PKD2L2: variants seen among roughly 807,000 people sequenced by gnomAD.
PKD2L2 encodes the protein polycystin 2 like 2, transient receptor potential cation channel.
PKD2L2 carries 67 observed loss-of-function variants against 83.9 expected under a neutral mutation model. That is an observed-to-expected ratio of 0.80 (90% confidence interval 0.66 to 0.98). The LOEUF is 0.98. PKD2L2 is among the 50% of genes least tolerant of loss of function. The pLI is 0.00. For missense variants in PKD2L2, 632 were observed against 717.2 expected (o/e 0.88, Z 1.36); for synonymous variants, 223 against 237.8 (o/e 0.94, Z 0.57).
intron 5 of PKD2L2, among the ~76,000 whole-genome samples, chr5:137,901,811 C>T (rs1174186920): frequency 6.6e-6 from 1 of 152,140 alleles, no homozygotes; most frequent in Non-Finnish European, 1.5e-5. Flanking sequence ...AGAACCCCAA[C>T]AGAGAGAACA....
chr5:137,890,648 TAAAAC>T (rs944597133), intron 2 of PKD2L2, 66 bp downstream of exon 2: 1 of 696,556 alleles, frequency 1.4e-6, no homozygotes, highest in African/African-American at 1.9e-5. Context: ...AGATGAAAAA[TAAAAC>T]ATACAAACTT....
intron 10 of PKD2L2, among the ~76,000 whole-genome samples, chr5:137,924,489 T>G (rs1018477223): frequency 3.3e-5 from 5 of 152,134 alleles, no homozygotes; most frequent in Admixed American, 6.6e-5. Flanking sequence ...TCTACCTCAG[T>G]TTGAGCTGTA....
chr5:137,932,196 A>C (rs1759931330), intron 12 of PKD2L2, among the ~76,000 whole-genome samples: 1 of 152,074 alleles, frequency 6.6e-6, no homozygotes, highest in Non-Finnish European at 1.5e-5. Context: ...AAAAAATACA[A>C]AATTAGCCAG....
chr5:137,923,297 G>T, intron 9 of PKD2L2, 123 bp from the exon 10 acceptor site: 1 of 562,746 alleles, frequency 1.8e-6, no homozygotes, highest in Non-Finnish European at 3.2e-6. Flanking sequence ...TTACAGGCGT[G>T]AGCCACCGCA....
intron 12 of PKD2L2, among the ~76,000 whole-genome samples, chr5:137,932,961 T>G (rs1275332038): frequency 3.3e-5 from 5 of 149,716 alleles, no homozygotes; most frequent in African/African-American, 1.2e-4. Context: ...CAAAAGCAGC[T>G]AGATGCTACA....
chr5:137,941,244 A>G (rs1761714049), intron 14 of PKD2L2, among the ~76,000 whole-genome samples: 1 of 151,954 alleles, frequency 6.6e-6, no homozygotes, highest in Admixed American at 6.6e-5. Context: ...GTGCCAACCT[A>G]TATAGGAGAC....
intron 8 of PKD2L2, among the ~76,000 whole-genome samples, chr5:137,917,048 T>C (rs1451078711): frequency 6.6e-6 from 1 of 152,200 alleles, no homozygotes. Context: ...CCATCATTTC[T>C]TCAAATAATC....
At chr5:137,906,126 A>T (rs1324509293) in intron 5 of PKD2L2, 80 bp from the exon 6 acceptor site, 2 of 803,170 alleles carry the variant, frequency 2.5e-6, no homozygotes, top group Non-Finnish European at 4.1e-6. Context: ...ATACATAATC[A>T]TTGATTGAAA....
Position 137,892,481 on chromosome 5 carries a change from G to T in PKD2L2, c.135G>T (p.Leu45Phe). The change falls in exon 3 of 15, where the codon TTG becomes TTT. Residue 45 changes from leucine (L) to phenylalanine (F), a missense_variant and splice_region_variant. Coordinates refer to ENST00000508883, the MANE Select transcript of PKD2L2 (RefSeq NM_001300921.2). ...TAAACAAAAAATTATTCTCCTTAGT[G>T]ACTTTTGGGATGGTAAACCCACATA... ...YFIFLINLCI[L>F]TFGMVNPHMY... The T allele has an allele frequency of 6.8e-7, 1 of 1,475,826 alleles. No individual in the cohort carries two copies. Among genetic ancestry groups the T allele is most frequent in the South Asian group, 1.4e-5 (1 of 71,150 alleles). 91.4% of individuals were successfully genotyped at this position (1,475,826 alleles called of 1,614,324 possible).
chr5:137,933,340 A>G (rs562851187), intron 12 of PKD2L2, among the ~76,000 whole-genome samples: 12 of 152,314 alleles, frequency 7.9e-5, no homozygotes, highest in African/African-American at 2.9e-4. Context: ...AAAAAGGGAG[A>G]AGCAAAGTCC....
At chr5:137,920,232 AT>A (rs993441064) in intron 8 of PKD2L2, among the ~76,000 whole-genome samples, 15 of 152,152 alleles carry the variant, frequency 9.9e-5, no homozygotes, top group Non-Finnish European at 2.1e-4. Context: ...AAATTTCCTC[AT>A]AAAGAACACA....
At chr5:137,935,051 G>A (rs1298057990) in intron 12 of PKD2L2, among the ~76,000 whole-genome samples, 2 of 152,202 alleles carry the variant, frequency 1.3e-5, no homozygotes, top group Non-Finnish European at 2.9e-5. Context: ...GATCCACTTT[G>A]CTACCTAGCA....
chr5:137,920,820 C>T (rs912192638), intron 8 of PKD2L2, among the ~76,000 whole-genome samples: 2 of 151,550 alleles, frequency 1.3e-5, no homozygotes, highest in African/African-American at 4.8e-5. Context: ...GTATTATTAT[C>T]AGCACTTGAG....
At chr5:137,919,660 T>C (rs1758712049) in intron 8 of PKD2L2, among the ~76,000 whole-genome samples, 1 of 152,188 alleles carries the variant, frequency 6.6e-6, no homozygotes, top group Admixed American at 6.5e-5. Context: ...CTCTATCTTA[T>C]GTAGGAAAGC....
chr5:137,939,218 T>C (rs1396522793), intron 14 of PKD2L2: 1 of 150,396 alleles, frequency 6.6e-6, no homozygotes, highest in East Asian at 1.9e-4. Flanking sequence ...CTGATTAAAA[T>C]AGGAGGGGAA....
intron 2 of PKD2L2, among the ~76,000 whole-genome samples, chr5:137,891,650 AAT>A (rs1392904370): frequency 6.6e-6 from 1 of 152,130 alleles, no homozygotes; most frequent in African/African-American, 2.4e-5. Context: ...CACTTTTTTT[AAT>A]ATAATACAGC....
At chr5:137,918,560 T>C (rs1221864060) in intron 8 of PKD2L2, among the ~76,000 whole-genome samples, 1 of 152,204 alleles carries the variant, frequency 6.6e-6, no homozygotes, top group Non-Finnish European at 1.5e-5. Flanking sequence ...ATTCCCCACA[T>C]GGCTCCCATA....
At chr5:137,936,457 TTTC>T (rs1272050595) in intron 14 of PKD2L2, 30 bp downstream of exon 14, 13 of 1,519,206 alleles carry the variant, frequency 8.6e-6, no homozygotes, top group South Asian at 3.7e-5. Flanking sequence ...TCATTGAGCA[TTTC>T]TTTTTTTTTT....
At chr5:137,935,277 T>TA (rs1760232086) in intron 12 of PKD2L2, among the ~76,000 whole-genome samples, 1 of 152,146 alleles carries the variant, frequency 6.6e-6, no homozygotes, top group South Asian at 2.1e-4. Flanking sequence ...GCAATACAAA[T>TA]TTTGTGGTAC....
Sources: gnomAD v4.1 joint callset for allele counts (sites outside exome capture counted in the v4.1 genomes callset) on GRCh38, gnomAD v4.1.1 for gene constraint, MANE v1.5 for transcripts, NCBI Gene and HGNC (gene_info 2026-07-23, HGNC 2026-07-21) for gene names.